GABBR2: variants seen among roughly 807,000 people sequenced by gnomAD.
GABBR2 encodes the protein gamma-aminobutyric acid type B receptor subunit 2.
Under a neutral mutation model 105.6 loss-of-function variants are expected in GABBR2, and 23 were observed. That is an observed-to-expected ratio of 0.22 (90% CI 0.16 to 0.31). The LOEUF is 0.31. GABBR2 is among the 10% of genes least tolerant of loss of function. GABBR2 has a pLI of 1.00. For synonymous variants in GABBR2, 478 were observed against 499.7 expected, an observed-to-expected ratio of 0.96 and a Z score of 0.58; for missense variants, 734 against 1,245.5, an observed-to-expected ratio of 0.59 and a Z score of 6.18.
At chr9:98,593,520 T>C (rs1232999613) in intron 1 of GABBR2, among the ~76,000 whole-genome samples, 1 of 152,036 alleles carries the variant, frequency 6.6e-6, no homozygotes, top group Non-Finnish European at 1.5e-5. Context: ...TCAGGGGCTG[T>C]GTGAGTCTGG....
At position 98,492,349 on chromosome 9, in the gene GABBR2, T is replaced by TTAAAAAAAAAAAAAA. The variant is rs752135873; in HGVS notation, c.732+4063_732+4064insTTTTTTTTTTTTTTA. On this transcript the variant is annotated intron_variant, in intron 4 of 18. Coordinates refer to ENST00000259455, the MANE Select transcript of GABBR2 (RefSeq NM_005458.8). ...GAGCCCGCTTAAGTTTGTTTCCTAG[T>TTAAAAAAAAAAAAAA]AAAAAAAAAAAAAAAAAAAAAAAAA... Among the ~76,000 whole-genome samples the TTAAAAAAAAAAAAAA allele has an allele frequency of 6.2e-3, 182 of 29,216 alleles. 4 individuals are homozygous for TTAAAAAAAAAAAAAA. Among genetic ancestry groups the TTAAAAAAAAAAAAAA allele is most frequent in the Admixed American group, 0.015 (24 of 1,578 alleles). The allele number at this position is 29,216 out of a possible 152,430, so 19.2% of individuals were successfully genotyped here. A position where few individuals can be genotyped will look rare whatever the true frequency, so the allele number is the denominator to read the frequency against.
At chr9:98,666,524 GGTTA>G (rs1830336900) in intron 1 of GABBR2, among the ~76,000 whole-genome samples, 1 of 152,188 alleles carries the variant, frequency 6.6e-6, no homozygotes, top group Non-Finnish European at 1.5e-5. Context: ...CTTGAAATGT[GGTTA>G]GTATGAGTGG....
At chr9:98,491,445 T>A (rs1827174575) in intron 4 of GABBR2, among the ~76,000 whole-genome samples, 1 of 152,268 alleles carries the variant, frequency 6.6e-6, no homozygotes, top group South Asian at 2.1e-4. Flanking sequence ...TCATTATATG[T>A]GGTCTGCACT....
chr9:98,455,583 G>A (rs1469145375), intron 6 of GABBR2, among the ~76,000 whole-genome samples: 2 of 152,218 alleles, frequency 1.3e-5, no homozygotes, highest in African/African-American at 2.4e-5. Context: ...GGGGGGCGCG[G>A]CACCAGACTA....
intron 2 of GABBR2, among the ~76,000 whole-genome samples, chr9:98,571,171 A>G (rs928425): frequency 0.5 from 75,771 of 152,054 alleles, 21,415 homozygotes; most frequent in East Asian, 0.63. Flanking sequence ...AAGCTGCACC[A>G]GGAAGAATGA....
intron 8 of GABBR2, among the ~76,000 whole-genome samples, chr9:98,395,983 C>T (rs187418265): frequency 3.3e-4 from 50 of 151,940 alleles, no homozygotes; most frequent in African/African-American, 8.0e-4. Flanking sequence ...CTCAGTCCCA[C>T]TTAAAGACAA....
intron 13 of GABBR2, among the ~76,000 whole-genome samples, chr9:98,348,297 C>T (rs1442919495): frequency 6.6e-6 from 1 of 152,180 alleles, no homozygotes; most frequent in Non-Finnish European, 1.5e-5. Flanking sequence ...GGTCTATGGT[C>T]TGTTTTCATA....
intron 8 of GABBR2, among the ~76,000 whole-genome samples, chr9:98,397,920 C>T (rs1299365344): frequency 2.0e-5 from 3 of 152,194 alleles, no homozygotes; most frequent in African/African-American, 7.2e-5. Context: ...CTCAGGGTGC[C>T]TCCTGGGTCT....
chr9:98,647,833 G>A lies in GABBR2; in HGVS notation c.321+60584C>T, dbSNP rs912403589. On this transcript the variant is annotated intron_variant, in intron 1 of 18. Transcript: ENST00000259455. ...AATATTTGACCTCATTACCTCGAGC[G>A]CTGGCTCTGATACGAAGGTTAGTCA... 5.3e-5 allele frequency among the ~76,000 whole-genome samples: 8 copies of A among 152,146 alleles called. No individual in the cohort carries two copies. The East Asian group carries it at 9.6e-4, about 18-fold the overall frequency.
chr9:98,694,132 G>A (rs774801690), intron 1 of GABBR2, among the ~76,000 whole-genome samples: 11 of 152,358 alleles, frequency 7.2e-5, no homozygotes, highest in Middle Eastern at 3.4e-3. Flanking sequence ...CATTCCAGCC[G>A]CCCACTCCTG....
chr9:98,528,176 A>C (rs1335228457), intron 3 of GABBR2, among the ~76,000 whole-genome samples: 1 of 152,098 alleles, frequency 6.6e-6, no homozygotes, highest in East Asian at 1.9e-4. Context: ...GAACTGGCCT[A>C]AAGCATAAGC....
intron 1 of GABBR2, among the ~76,000 whole-genome samples, chr9:98,673,704 G>A (rs1050395275): frequency 2.0e-5 from 3 of 152,192 alleles, no homozygotes; most frequent in South Asian, 2.1e-4. Context: ...ATAAGCACCC[G>A]AGTACAATTG....
chr9:98,303,293 C>A lies in GABBR2; in HGVS notation c.2360G>T (p.Arg787Leu). Residue 787 changes from arginine to leucine, a missense_variant, in exon 16 of 19, where the codon CGC becomes CTC. By Grantham distance (102) the Arg-to-Leu change is moderately radical. This residue lies in a region of GABBR2 where 91 missense variants were observed against 185.9 expected (regional missense o/e 0.49). Transcript: ENST00000259455. Reference sequence around the variant, plus strand: ...GTTTTCTGACTGTAGGCCCTCCAGGCGGGATGTGCTGGCTTGGTTCACACT... The same window carrying A: ...GTTTTCTGACTGTAGGCCCTCCAGGAGGGATGTGCTGGCTTGGTTCACACT... ...VTSVNQASTS[R>L]LEGLQSENHR... 6.2e-7 allele frequency: 1 copy of A among 1,614,154 alleles called. No homozygotes were observed. The highest frequency in any genetic ancestry group is 8.5e-7 in the Non-Finnish European group (1 of 1,179,992).
chr9:98,310,467 C>T (rs1305268582), intron 14 of GABBR2, among the ~76,000 whole-genome samples: 4 of 152,072 alleles, frequency 2.6e-5, no homozygotes, highest in African/African-American at 9.7e-5. Context: ...AGGCTGGTCT[C>T]GAACTCCTGA....
chr9:98,381,796 G>A (rs1831981348), intron 11 of GABBR2, among the ~76,000 whole-genome samples: 2 of 152,134 alleles, frequency 1.3e-5, no homozygotes, highest in Non-Finnish European at 2.9e-5. Context: ...AGCGCTTTAT[G>A]ATTTATTCAT....
At chr9:98,508,921 G>A (rs1827576115) in intron 3 of GABBR2, among the ~76,000 whole-genome samples, 1 of 152,188 alleles carries the variant, frequency 6.6e-6, no homozygotes, top group Non-Finnish European at 1.5e-5. Context: ...GAAGAGAGTA[G>A]TGGTTCTCCC....
chr9:98,599,009 C>T (rs989162002), intron 1 of GABBR2, among the ~76,000 whole-genome samples: 19 of 152,204 alleles, frequency 1.2e-4, no homozygotes, highest in African/African-American at 4.6e-4. Context: ...AAGAACCATG[C>T]CTGTGCCATC....
At chr9:98,627,407 G>A (rs534552248) in intron 1 of GABBR2, among the ~76,000 whole-genome samples, 14 of 152,208 alleles carry the variant, frequency 9.2e-5, no homozygotes, top group Non-Finnish European at 1.9e-4. Flanking sequence ...CACTGTGTAT[G>A]AGATGGAGAG....
intron 1 of GABBR2, among the ~76,000 whole-genome samples, chr9:98,646,710 C>T (rs969792828): frequency 3.9e-5 from 6 of 152,150 alleles, no homozygotes; most frequent in African/African-American, 1.4e-4. Flanking sequence ...TCATATGTTA[C>T]AACAGACTAT....
Sources: gnomAD v4.1 joint callset for allele counts (sites outside exome capture counted in the v4.1 genomes callset) on GRCh38, gnomAD v4.1.1 for gene constraint, gnomAD v4.1.1 regional missense constraint, MANE v1.5 for transcripts, NCBI Gene and HGNC (gene_info 2026-07-23, HGNC 2026-07-21) for gene names.